Variants in ZNF578 observed in about 807,000 individuals in gnomAD.
ZNF578 encodes zinc finger protein 578, also known as Putative chemokine-related protein B42.
ZNF578 carries 8 observed loss-of-function variants against 8.3 expected under a neutral mutation model. That is an observed-to-expected ratio of 0.96 (90% confidence interval 0.56 to 1.74). The LOEUF (loss-of-function observed/expected upper bound fraction) is 1.74, where lower values mean the gene tolerates loss of function less well. Among genes scored for constraint, ZNF578 ranks in the 40% most tolerant of loss-of-function variants. The pLI, the probability that ZNF578 is intolerant of heterozygous loss-of-function variation, is 0.00. For missense variants in ZNF578, 726 were observed against 707.5 expected, an observed-to-expected ratio of 1.03 and a Z score of -0.30; for synonymous variants, 206 against 232.2, an observed-to-expected ratio of 0.89 and a Z score of 1.03.
intron 2 of ZNF578, among the ~76,000 whole-genome samples, chr19:52,477,165 G>A (rs1158069001): frequency 6.6e-6 from 1 of 152,156 alleles, no homozygotes; most frequent in African/African-American, 2.4e-5. Context: ...CATGTATCCT[G>A]CTGGTAAAGG....
At chr19:52,470,877 G>A (rs922873785) in intron 2 of ZNF578, among the ~76,000 whole-genome samples, 3 of 152,174 alleles carry the variant, frequency 2.0e-5, no homozygotes, top group African/African-American at 7.2e-5. Context: ...ATGTTGAACT[G>A]TAATCCCCAG....
In ZNF578 at chr19:52,510,706, G is replaced by C. The variant is rs376652374; in HGVS notation, c.325G>C (p.Asp109His). 4 of 1,612,884 alleles carry C rather than the reference G, an allele frequency of 2.5e-6. No individual in the cohort carries two copies. In the Admixed American group the frequency reaches 5.0e-5, roughly 20 times the overall value. ...TTTTTGCTTCCAGGAAATTGAAAAA[G>C]ATATTCATGACTTTGAGTTTCAGTC... is the stretch of plus-strand genomic sequence containing the variant. The part of the protein sequence containing the change: ...GDFCFQEIEK[D>H]IHDFEFQSQK... The change falls in exon 6 of 6, where the codon GAT becomes CAT. Residue 109 changes from aspartate (D) to histidine (H), a missense_variant. Asp to His is a moderately conservative substitution (Grantham distance 81). Transcript: ENST00000421239.
At chr19:52,464,274 CT>C (rs2059267564) in intron 2 of ZNF578, among the ~76,000 whole-genome samples, 1 of 152,106 alleles carries the variant, frequency 6.6e-6, no homozygotes, top group Admixed American at 6.5e-5. Context: ...CTTGGGCTTG[CT>C]GAATTTTTTC....
Position 52,464,783 on chromosome 19 carries a change from A to G in ZNF578, c.-122+7825A>G, listed in dbSNP as rs530929574. Among the ~76,000 whole-genome samples, 4 of 152,370 alleles carry G rather than the reference A, an allele frequency of 2.6e-5. No individual in the cohort carries two copies. The South Asian group carries it at 8.3e-4, about 32-fold the overall frequency. On this transcript the variant is annotated intron_variant, in intron 2 of 5. Coordinates refer to ENST00000421239, the MANE Select transcript of ZNF578 (RefSeq NM_001099694.2). ...GTGTGACTGTTTAACATATCCTGGG[A>G]TAAAACCTTCCAAGGATATCTGGCT... is the stretch of plus-strand genomic sequence containing the variant.
rs1258619422 is a variant in ZNF578, at chr19:52,511,845, T to C, written c.1464T>C (p.Cys488=). The change falls in exon 6 of 6, where the codon TGT becomes TGC. Residue 488 remains cysteine, a synonymous_variant. Transcript: ENST00000421239. The stretch of plus-strand genomic sequence containing the variant: ...AGAAACCTTACAAGTGTAATGAGTG[T>C]CACAAGACCTTCAGTCACAGGTCAT... ...TGEKPYKCNE[C]HKTFSHRSSL... 1 of 1,613,752 alleles carries C rather than the reference T, an allele frequency of 6.2e-7. No homozygotes were observed. Among genetic ancestry groups the C allele is most frequent in the African/African-American group, 1.3e-5 (1 of 74,860 alleles).
At chr19:52,480,902 TAATAATAA>T (rs913168181) in intron 2 of ZNF578, among the ~76,000 whole-genome samples, 4 of 47,944 alleles carry the variant, frequency 8.3e-5, no homozygotes, top group Admixed American at 4.8e-4. Flanking sequence ...TCTCAAAAGA[TAATAATAA>T]TAATAATAAT....
chr19:52,464,971 C>T (rs117645125), intron 2 of ZNF578, among the ~76,000 whole-genome samples: 7,529 of 152,270 alleles, frequency 0.049, 255 homozygotes, highest in Non-Finnish European at 0.074. Context: ...GTAAAGCTCT[C>T]ATCGGTTGAA....
At chr19:52,486,420 G>A (rs969117063) in intron 2 of ZNF578, among the ~76,000 whole-genome samples, 3 of 152,126 alleles carry the variant, frequency 2.0e-5, no homozygotes, top group East Asian at 1.9e-4. Flanking sequence ...TCTATACTTT[G>A]TCTCTTTCTT....
At chr19:52,472,227 G>A (rs2122801734) in intron 2 of ZNF578, among the ~76,000 whole-genome samples, 1 of 152,270 alleles carries the variant, frequency 6.6e-6, no homozygotes, top group African/African-American at 2.4e-5. Flanking sequence ...CCCTAATGGT[G>A]CATTATTATT....
At chr19:52,454,204 G>T (rs1327828174) in intron 1 of ZNF578, 2 of 152,216 alleles carry the variant, frequency 1.3e-5, no homozygotes, top group African/African-American at 4.8e-5. Context: ...GAGGAAAAAC[G>T]ATTGATTTAT....
chr19:52,497,632 C>G (rs1404497417), intron 3 of ZNF578, among the ~76,000 whole-genome samples: 6 of 152,070 alleles, frequency 3.9e-5, no homozygotes, highest in African/African-American at 1.4e-4. Flanking sequence ...AAATTGTGTT[C>G]AGTTTACATT....
At chr19:52,490,560 C>T (rs2122878394) in intron 2 of ZNF578, among the ~76,000 whole-genome samples, 1 of 152,134 alleles carries the variant, frequency 6.6e-6, no homozygotes, top group East Asian at 1.9e-4. Context: ...ACACACTGCA[C>T]TAGTTAAATT....
intron 2 of ZNF578, among the ~76,000 whole-genome samples, chr19:52,470,298 A>G (rs960352170): frequency 2.6e-5 from 4 of 152,116 alleles, no homozygotes; most frequent in Non-Finnish European, 5.9e-5. Context: ...AACTAGACTC[A>G]AGTCCCAGTG....
chr19:52,504,897 T>TTGATTGTC (rs1242472660), intron 5 of ZNF578, 116 bp downstream of exon 5: 17 of 1,553,960 alleles, frequency 1.1e-5, no homozygotes, highest in East Asian at 6.7e-5. Context: ...GTTTGATTGT[T>TTGATTGTC]TGTTTGGTTT....
rs780164886 is a variant in ZNF578 at position 52,511,631 on chromosome 19, A to G, written c.1250A>G (p.His417Arg). 13 of 1,613,242 alleles carry G rather than the reference A, an allele frequency of 8.1e-6. No individual in the cohort carries two copies. Among genetic ancestry groups the G allele is most frequent in the Non-Finnish European group, 1.0e-5 (12 of 1,179,158 alleles). Residue 417 changes from histidine to arginine, a missense_variant, in exon 6 of 6, where the codon CAT becomes CGT. Transcript: ENST00000421239. Reference sequence around the variant, plus strand: ...AATCAACAATCACACCTTTCACGTCATCATAGACTTCATACTGGAGAGAAA... The same window carrying G: ...AATCAACAATCACACCTTTCACGTCGTCATAGACTTCATACTGGAGAGAAA... ...AFNQQSHLSR[H>R]HRLHTGEKPY...
At position 52,515,025 on chromosome 19, in the gene ZNF578, C is replaced by T. The variant is rs772663037; in HGVS notation, c.*2871C>T. 2.1e-5 allele frequency among the ~76,000 whole-genome samples: 3 copies of T among 144,478 alleles called. No individual in the cohort carries two copies. The highest frequency in any genetic ancestry group is 4.1e-4 in the East Asian group (2 of 4,842). The allele number at this position is 144,478 out of a possible 152,430, so 94.8% of individuals were successfully genotyped here. On this transcript the variant is annotated 3_prime_UTR_variant, in exon 6 of 6. Coordinates refer to ENST00000421239, the MANE Select transcript of ZNF578 (RefSeq NM_001099694.2). The stretch of plus-strand genomic sequence containing the variant: ...TTGCTGAGGCTGGAGTGCAATGGTG[C>T]GATCTGGTGTCACTCCAATGTCTTC...
In ZNF578 at chr19:52,512,896, T is replaced by G. The variant is rs1364497661; in HGVS notation, c.*742T>G. Among the ~76,000 whole-genome samples, 1 of 152,186 alleles carries G rather than the reference T, an allele frequency of 6.6e-6. No homozygotes were observed. Among genetic ancestry groups the G allele is most frequent in the African/African-American group, 2.4e-5 (1 of 41,444 alleles). ...ATGCAGGTGTTTATGATAAGAGGAT[T>G]GGGCCAGGTGCAGTGGATCACGCCT... On this transcript the variant is annotated 3_prime_UTR_variant, in exon 6 of 6. Coordinates refer to ENST00000421239, the MANE Select transcript of ZNF578 (RefSeq NM_001099694.2).
Position 52,516,648 on chromosome 19 carries a change from TCAATGTGC to T in ZNF578, c.*4495_*4502del, listed in dbSNP as rs2059477527. On this transcript the variant is annotated 3_prime_UTR_variant, in exon 6 of 6. Transcript: ENST00000421239. ...TTTATTTCTGCACCATCTTGACTGA[TCAATGTGC>T]TTTGTAATCTCCCCCACCCTTCAGA... Among the ~76,000 whole-genome samples the T allele has an allele frequency of 6.6e-6, 1 of 152,190 alleles. No individual in the cohort carries two copies. Among genetic ancestry groups the T allele is most frequent in the Non-Finnish European group, 1.5e-5 (1 of 68,032 alleles).
chr19:52,473,746 A>G (rs1480287910), intron 2 of ZNF578: 6 of 287,790 alleles, frequency 2.1e-5, no homozygotes, highest in Non-Finnish European at 3.9e-5. Flanking sequence ...GTTTCCTTCC[A>G]ATGTGGATTA....
Sources: allele counts gnomAD v4.1 joint callset (sites outside exome capture counted in the v4.1 genomes callset), GRCh38; gene constraint gnomAD v4.1.1; transcripts MANE v1.5; gene names NCBI Gene and HGNC (gene_info 2026-07-23, HGNC 2026-07-21).